Variants in ELMO1 observed in about 807,000 individuals in gnomAD.
ELMO1 encodes the protein engulfment and cell motility 1, also known as engulfment and cell motility protein 1.
A neutral mutation model predicts 98.9 loss-of-function variants in ELMO1; 26 were observed. That is an observed-to-expected ratio of 0.26 (90% CI 0.19 to 0.36). The LOEUF (loss-of-function observed/expected upper bound fraction) is 0.36, where lower values mean the gene tolerates loss of function less well. Ranked by LOEUF, ELMO1 falls within the 10% of genes least tolerant of loss-of-function variation. The pLI is 1.00. For missense variants in ELMO1, 627 were observed against 935.2 expected (o/e 0.67, Z 4.30); for synonymous variants, 346 against 346.0 (o/e 1.00, Z 0.00).
chr7:37,063,120 T>G (rs1389626135), intron 15 of ELMO1, among the ~76,000 whole-genome samples: 1 of 152,182 alleles, frequency 6.6e-6, no homozygotes, highest in African/African-American at 2.4e-5. Flanking sequence ...TCTCTTAGGA[T>G]TCAATGAAAA....
chr7:37,146,740 G>A (rs1488599214), intron 13 of ELMO1, among the ~76,000 whole-genome samples: 1 of 152,184 alleles, frequency 6.6e-6, no homozygotes, highest in East Asian at 1.9e-4. Context: ...AGAGAAGACA[G>A]TCTATCAAAC....
chr7:37,025,506 T>C (rs1172786697), intron 15 of ELMO1, among the ~76,000 whole-genome samples: 1 of 152,180 alleles, frequency 6.6e-6, no homozygotes, highest in Admixed American at 6.5e-5. Flanking sequence ...TAGATAGCTC[T>C]TCCCAAGGTG....
intron 16 of ELMO1, among the ~76,000 whole-genome samples, chr7:36,953,421 T>C (rs937106684): frequency 6.6e-6 from 1 of 152,202 alleles, no homozygotes; most frequent in Admixed American, 6.5e-5. Flanking sequence ...ATTACGCAAG[T>C]ATGTTAAATT....
At chr7:36,903,396 C>G (rs1783726801) in intron 16 of ELMO1, among the ~76,000 whole-genome samples, 1 of 152,212 alleles carries the variant, frequency 6.6e-6, no homozygotes, top group Admixed American at 6.5e-5. Flanking sequence ...CTGTGCCCTC[C>G]TTTATTACTA....
At chr7:36,866,827 C>G (rs1390464399) in intron 20 of ELMO1, among the ~76,000 whole-genome samples, 1 of 152,186 alleles carries the variant, frequency 6.6e-6, no homozygotes, top group Non-Finnish European at 1.5e-5. Flanking sequence ...TCCTTTTAGG[C>G]TGCAGGTCCC....
At chr7:37,049,806 T>C (rs557990247) in intron 15 of ELMO1, among the ~76,000 whole-genome samples, 1 of 151,242 alleles carries the variant, frequency 6.6e-6, no homozygotes, top group East Asian at 1.9e-4. Context: ...AGATGGAGTT[T>C]TGCTCTTGTT....
Position 36,915,908 on chromosome 7 carries a change from G to A in ELMO1, c.1438-20891C>T, listed in dbSNP as rs1375231489. Among the ~76,000 whole-genome samples, 8 of 152,202 alleles carry A rather than the reference G, an allele frequency of 5.3e-5. No individual in the cohort carries two copies. The East Asian group carries it at 1.5e-3, about 29-fold the overall frequency. On this transcript the variant is annotated intron_variant, in intron 16 of 21. Transcript: ENST00000310758. ...TCCTTCCCCAAACAGCCACTGCCTA[G>A]ATAAGGTTCTGGGCGGCTAACTGAT... is the stretch of plus-strand genomic sequence containing the variant.
At chr7:37,437,430 A>G (rs536179873) in intron 1 of ELMO1, among the ~76,000 whole-genome samples, 1 of 152,374 alleles carries the variant, frequency 6.6e-6, no homozygotes, top group African/African-American at 2.4e-5. Flanking sequence ...AGTTATTTTA[A>G]TTCACAGTCA....
chr7:36,877,142 A>G (rs189587195), intron 19 of ELMO1, among the ~76,000 whole-genome samples: 1 of 152,152 alleles, frequency 6.6e-6, no homozygotes, highest in African/African-American at 2.4e-5. Context: ...AAGGTGTGAG[A>G]CTCTGGGTAA....
At chr7:37,085,820 T>C (rs1783736973) in intron 15 of ELMO1, among the ~76,000 whole-genome samples, 1 of 152,252 alleles carries the variant, frequency 6.6e-6, no homozygotes, top group South Asian at 2.1e-4. Flanking sequence ...CCGTCATTGA[T>C]TGGAATCCTG....
intron 16 of ELMO1, among the ~76,000 whole-genome samples, chr7:36,980,914 T>G (rs1469533343): frequency 6.6e-6 from 1 of 152,026 alleles, no homozygotes; most frequent in African/African-American, 2.4e-5. Flanking sequence ...CTACAAAATG[T>G]TAAGTAATAT....
At position 36,894,759 on chromosome 7, in the gene ELMO1, G is replaced by T. The variant is rs1805852098; in HGVS notation, c.1601+95C>A. On this transcript the variant is annotated intron_variant, in intron 17 of 21. Coordinates refer to ENST00000310758, the MANE Select transcript of ELMO1 (RefSeq NM_014800.11). ...GTCTTCTGCTGGCCTTCCCTGAGGA[G>T]CTCACAACACAGCCCAGCTTCATGA... 3 of 1,504,608 alleles carry T rather than the reference G, an allele frequency of 2.0e-6. No individual in the cohort carries two copies. In the South Asian group the frequency reaches 3.6e-5, roughly 18 times the overall value. The allele number at this position is 1,504,608 out of a possible 1,614,324, so 93.2% of individuals were successfully genotyped here.
intron 11 of ELMO1, among the ~76,000 whole-genome samples, chr7:37,214,534 T>A (rs1321544806): frequency 6.6e-6 from 1 of 151,938 alleles, no homozygotes; most frequent in Non-Finnish European, 1.5e-5. Flanking sequence ...ATCCACACCA[T>A]AGCTGTCAGT....
chr7:37,042,951 G>A (rs1369938260), intron 15 of ELMO1, among the ~76,000 whole-genome samples: 1 of 152,132 alleles, frequency 6.6e-6, no homozygotes, highest in Non-Finnish European at 1.5e-5. Context: ...ATGTTTATTT[G>A]TTCATTGCCT....
chr7:37,125,848 G>A lies in ELMO1; in HGVS notation c.1191+7282C>T, dbSNP rs182149713. On this transcript the variant is annotated intron_variant, in intron 14 of 21. Transcript: ENST00000310758. ...TGCTGCTATAAAGACACATGCAGAC[G>A]TATGTTTATTGTGGCACTATTCACA... Among the ~76,000 whole-genome samples the A allele has an allele frequency of 9.8e-5, 15 of 152,312 alleles. No individual in the cohort carries two copies. In the East Asian group the frequency reaches 1.4e-3, roughly 14 times the overall value.
At chr7:36,954,186 T>C (rs568075730) in intron 16 of ELMO1, among the ~76,000 whole-genome samples, 51 of 152,254 alleles carry the variant, frequency 3.3e-4, no homozygotes, top group African/African-American at 1.2e-3. Flanking sequence ...CTCAAGCACT[T>C]GCTTCATCTT....
rs76939120 is a variant in ELMO1, at chr7:36,865,281, C to T, written c.1906-3545G>A. Among the ~76,000 whole-genome samples, 1,164 of 152,204 alleles carry T rather than the reference C, an allele frequency of 7.6e-3. 15 individuals are homozygous for T. Among genetic ancestry groups the T allele is most frequent in the African/African-American group, 0.027 (1,113 of 41,514 alleles). Reference sequence around the variant, plus strand: ...TTGATAAAAGACACAGGATATAACTCGGCATGTGTGTGGGTGTTAAATTAT... The same window carrying T: ...TTGATAAAAGACACAGGATATAACTTGGCATGTGTGTGGGTGTTAAATTAT... On this transcript the variant is annotated intron_variant, in intron 20 of 21. Transcript: ENST00000310758.
chr7:37,145,840 A>G lies in ELMO1; in HGVS notation c.1087-12606T>C, dbSNP rs191642719. ...GTGAATATTCACTTAATCTATGAAAAGCCCTATTCAAGGCTATTTCTTGAG... is the reference window on the plus strand; with the variant it reads ...GTGAATATTCACTTAATCTATGAAAGGCCCTATTCAAGGCTATTTCTTGAG... On this transcript the variant is annotated intron_variant, in intron 13 of 21. Transcript: ENST00000310758. Among the ~76,000 whole-genome samples, 426 of 152,328 alleles carry G rather than the reference A, an allele frequency of 2.8e-3. 2 individuals are homozygous for G. The highest frequency in any genetic ancestry group is 9.7e-3 in the African/African-American group (405 of 41,566).
At chr7:37,322,053 T>C (rs1471069778) in intron 2 of ELMO1, among the ~76,000 whole-genome samples, 3 of 150,618 alleles carry the variant, frequency 2.0e-5, no homozygotes, top group Admixed American at 2.0e-4. Flanking sequence ...AGAGACGGGG[T>C]TTCACTATGT....
Sources: allele counts gnomAD v4.1 joint callset (sites outside exome capture counted in the v4.1 genomes callset), GRCh38; gene constraint gnomAD v4.1.1; transcripts MANE v1.5; gene names NCBI Gene and HGNC (gene_info 2026-07-23, HGNC 2026-07-21).